CHL1: variants seen among roughly 807,000 people sequenced by gnomAD.
The protein encoded by CHL1 is neural cell adhesion molecule L1-like protein.
Under a neutral mutation model 141.9 loss-of-function variants are expected in CHL1, and 96 were observed. That is an observed-to-expected ratio of 0.68 (90% CI 0.57 to 0.80). The LOEUF is 0.80. Ranked by LOEUF, CHL1 falls within the 30% of genes least tolerant of loss-of-function variation. The pLI is 0.00. For synonymous variants in CHL1, 613 were observed against 502.2 expected, an observed-to-expected ratio of 1.22 and a Z score of -2.95; for missense variants, 1,820 against 1,457.2, an observed-to-expected ratio of 1.25 and a Z score of -4.05.
chr3:408,922 TA>T lies in CHL1; in HGVS notation c.*3212del, dbSNP rs1237672526. The T allele has an allele frequency of 2.0e-5, 3 of 152,088 alleles. No individual in the cohort carries two copies. The highest frequency in any genetic ancestry group is 2.0e-4 in the Admixed American group (3 of 15,246). 9.4% of individuals were successfully genotyped at this position (152,088 alleles called of 1,614,324 possible). On this transcript the variant is annotated 3_prime_UTR_variant, in exon 28 of 28. Coordinates refer to ENST00000256509, the MANE Select transcript of CHL1 (RefSeq NM_006614.4). ...GAATTATGCTGGAAGTCTCAAATAATATTTTTTTCCTATTTTATACTCATGG... is the reference window on the plus strand; with the variant it reads ...GAATTATGCTGGAAGTCTCAAATAATTTTTTTTCCTATTTTATACTCATGG...
chr3:357,404 G>T (rs541037472), intron 11 of CHL1, among the ~76,000 whole-genome samples: 1 of 152,236 alleles, frequency 6.6e-6, no homozygotes, highest in East Asian at 1.9e-4. Context: ...CTTTTCACAT[G>T]CTTTGCATAT....
intron 2 of CHL1, 104 bp from the exon 3 acceptor site, chr3:319,579 A>G: frequency 2.0e-6 from 1 of 506,888 alleles, no homozygotes; most frequent in South Asian, 2.5e-5. Flanking sequence ...AGGAGGAAAC[A>G]TACTGCCAAA....
rs144239501 is a variant in CHL1 at position 316,066 on chromosome 3, C to T, written c.-94-3617C>T. On this transcript the variant is annotated intron_variant, in intron 2 of 27. Transcript: ENST00000256509. ...CATAGTGTGCAGAAAAGGCTTGCCA[C>T]CCTACTCTTATTACCCTAATCTTAT... Among the ~76,000 whole-genome samples, 709 of 152,054 alleles carry T rather than the reference C, an allele frequency of 4.7e-3. 6 individuals are homozygous for T. The highest frequency in any genetic ancestry group is 0.016 in the African/African-American group (678 of 41,516).
intron 2 of CHL1, among the ~76,000 whole-genome samples, chr3:294,155 T>C (rs565429780): frequency 4.0e-5 from 6 of 151,642 alleles, no homozygotes; most frequent in African/African-American, 1.2e-4. Context: ...CCTGTCTCTA[T>C]ACAAAATTCA....
chr3:369,561 C>T (rs1705356867), intron 15 of CHL1, among the ~76,000 whole-genome samples: 1 of 152,350 alleles, frequency 6.6e-6, no homozygotes, highest in African/African-American at 2.4e-5. Flanking sequence ...AATTTGACTT[C>T]CTCTCTTCCT....
At chr3:247,791 C>G (rs1219246468) in intron 2 of CHL1, 1 of 152,138 alleles carries the variant, frequency 6.6e-6, no homozygotes, top group Non-Finnish European at 1.5e-5. Flanking sequence ...AGATTTTCAA[C>G]ATCTCTTCAC....
At chr3:239,758 C>A (rs999535289) in intron 1 of CHL1, among the ~76,000 whole-genome samples, 2 of 151,952 alleles carry the variant, frequency 1.3e-5, no homozygotes, top group African/African-American at 4.8e-5. Flanking sequence ...CACCCCACTC[C>A]CACCCTTTCC....
rs2293674 is a variant in CHL1 at position 340,986 on chromosome 3, G to C, written c.508+70G>C. On this transcript the variant is annotated intron_variant, in intron 6 of 27. Coordinates refer to ENST00000256509, the MANE Select transcript of CHL1 (RefSeq NM_006614.4). The stretch of plus-strand genomic sequence containing the variant: ...CTATCCATCATATCAATAACATAAT[G>C]AATCCAAAGACAAAATAAAAAATAA... 2.8e-4 allele frequency: 407 copies of C among 1,444,488 alleles called. 6 individuals are homozygous for C. The East Asian group carries it at 9.0e-3, about 32-fold the overall frequency. 89.5% of individuals were successfully genotyped at this position (1,444,488 alleles called of 1,614,324 possible).
chr3:354,341 G>A (rs948654854), intron 10 of CHL1, among the ~76,000 whole-genome samples: 5 of 151,698 alleles, frequency 3.3e-5, no homozygotes, highest in Non-Finnish European at 7.4e-5. Flanking sequence ...TTCCTAGTGG[G>A]GTAGCTACTT....
At chr3:344,369 G>T (rs1702585676) in intron 8 of CHL1, among the ~76,000 whole-genome samples, 1 of 151,916 alleles carries the variant, frequency 6.6e-6, no homozygotes, top group South Asian at 2.1e-4. Flanking sequence ...AAATTTTGCA[G>T]TGCTACGCTC....
Position 406,501 on chromosome 3 carries a change from C to A in CHL1, c.*790C>A, listed in dbSNP as rs1709542025. On this transcript the variant is annotated 3_prime_UTR_variant, in exon 28 of 28. Coordinates refer to ENST00000256509, the MANE Select transcript of CHL1 (RefSeq NM_006614.4). ...CAGAAAGTGCCCATTGTTCAGGATT[C>A]TAATAGCTACATCTACTTAATATCT... 6.6e-6 allele frequency: 1 copy of A among 151,492 alleles called. No individual in the cohort carries two copies. The highest frequency in any genetic ancestry group is 2.1e-4 in the South Asian group (1 of 4,808). The allele number at this position is 151,492 out of a possible 1,614,324, so 9.4% of individuals were successfully genotyped here. A position where few individuals can be genotyped will look rare whatever the true frequency, so the allele number is the denominator to read the frequency against.
chr3:353,664 T>G (rs1223049750), intron 10 of CHL1, among the ~76,000 whole-genome samples: 1 of 152,218 alleles, frequency 6.6e-6, no homozygotes, highest in African/African-American at 2.4e-5. Context: ...CCTCTTTTTC[T>G]TCCTTTACTT....
At position 229,683 on chromosome 3, in the gene CHL1, G is replaced by A. The variant is rs542841439; in HGVS notation, c.-174-14930G>A. ...ACTACATTTTATCGACTCTTGGTGG[G>A]ATTATGAAATGCCTATTGAGGTTTC... On this transcript the variant is annotated intron_variant, in intron 1 of 27. Coordinates refer to ENST00000256509, the MANE Select transcript of CHL1 (RefSeq NM_006614.4). Among the ~76,000 whole-genome samples, 86 of 152,180 alleles carry A rather than the reference G, an allele frequency of 5.7e-4. 1 individual carries two copies. Among genetic ancestry groups the A allele is most frequent in the Non-Finnish European group, 9.0e-4 (61 of 67,994 alleles).
In CHL1 at chr3:408,936, T is replaced by G. The variant is rs1271613414; in HGVS notation, c.*3225T>G. The G allele has an allele frequency of 6.6e-6, 1 of 152,090 alleles. No individual in the cohort carries two copies. The highest frequency in any genetic ancestry group is 6.6e-5 in the Admixed American group (1 of 15,254). The allele number at this position is 152,090 out of a possible 1,614,324, so 9.4% of individuals were successfully genotyped here. ...GTCTCAAATAATATTTTTTTCCTAT[T>G]TTATACTCATGGAAGAGATAAGCTA... On this transcript the variant is annotated 3_prime_UTR_variant, in exon 28 of 28. Coordinates refer to ENST00000256509, the MANE Select transcript of CHL1 (RefSeq NM_006614.4).
chr3:301,079 G>C (rs1006685373), intron 2 of CHL1, among the ~76,000 whole-genome samples: 3 of 152,102 alleles, frequency 2.0e-5, no homozygotes, highest in South Asian at 4.1e-4. Flanking sequence ...GCCATTGAAG[G>C]TTTCCATTTT....
intron 5 of CHL1, among the ~76,000 whole-genome samples, chr3:337,187 TTTTG>T (rs1183252505): frequency 0.033 from 2,338 of 70,498 alleles, 169 homozygotes; most frequent in African/African-American, 0.12. Context: ...ATTCTTTTGT[TTTTG>T]TTTTTTTTTT....
chr3:213,164 G>T (rs1023702918), intron 1 of CHL1: 3 of 152,140 alleles, frequency 2.0e-5, no homozygotes, highest in African/African-American at 7.2e-5. Context: ...TGTTATTAAT[G>T]TTCTATTAAC....
intron 1 of CHL1, among the ~76,000 whole-genome samples, chr3:234,196 TA>T (rs1691711845): frequency 8.3e-6 from 1 of 120,184 alleles, no homozygotes; most frequent in African/African-American, 3.0e-5. Context: ...TGTGTGTGTA[TA>T]TATATATATA....
intron 16 of CHL1, among the ~76,000 whole-genome samples, chr3:381,558 T>A (rs1443974939): frequency 6.6e-6 from 1 of 152,224 alleles, no homozygotes; most frequent in African/African-American, 2.4e-5. Flanking sequence ...CACATTGCTT[T>A]ATGCCTAAAA....
Sources: gnomAD v4.1 joint callset for allele counts (sites outside exome capture counted in the v4.1 genomes callset) on GRCh38, gnomAD v4.1.1 for gene constraint, MANE v1.5 for transcripts, NCBI Gene and HGNC (gene_info 2026-07-23, HGNC 2026-07-21) for gene names.